CDC42BPA: variants seen among roughly 807,000 people sequenced by gnomAD.
CDC42BPA encodes the protein serine/threonine-protein kinase MRCK alpha.
In CDC42BPA, 80 loss-of-function variants were observed where a neutral mutation model predicts 223.5. That is an observed-to-expected ratio of 0.36 (90% confidence interval 0.30 to 0.43). The LOEUF (loss-of-function observed/expected upper bound fraction) is 0.43, where lower values mean the gene tolerates loss of function less well. CDC42BPA is among the 20% of genes least tolerant of loss of function. The pLI is 1.00. For synonymous variants in CDC42BPA, 694 were observed against 718.6 expected (o/e 0.97, Z 0.55); for missense variants, 1,743 against 2,099.9 (o/e 0.83, Z 3.32).
intron 2 of CDC42BPA, among the ~76,000 whole-genome samples, chr1:227,230,812 C>CTTTTTTTTTTTTTTTTTTTTTTTTTTTTT (rs1309498246): frequency 8.9e-6 from 1 of 111,758 alleles, no homozygotes. Flanking sequence ...TTTCTTTTTT[C>CTTTTTTTTTTTTTTTTTTTTTTTTTTTTT]TTTCTTTCTT....
At position 227,199,631 on chromosome 1, in the gene CDC42BPA, T is replaced by C; in HGVS notation, c.376A>G (p.Arg126Gly). ...RAETACFREE[R>G]DVLVNGDNKW... ...TTGTCTCCATTCACTAATACATCCC[T>C]TTCTTCACGAAAACATGCTGTCTGA... Residue 126 changes from arginine (R) to glycine (G), a missense_variant, in exon 4 of 37, where the codon AGG becomes GGG. Coordinates refer to ENST00000366766, the MANE Select transcript of CDC42BPA (RefSeq NM_001394014.1). 1.2e-6 allele frequency: 2 copies of C among 1,605,542 alleles called. No individual in the cohort carries two copies. Among genetic ancestry groups the C allele is most frequent in the Non-Finnish European group, 1.7e-6 (2 of 1,173,822 alleles).
intron 3 of CDC42BPA, among the ~76,000 whole-genome samples, chr1:227,208,039 C>G (rs889440099): frequency 1.2e-5 from 1 of 80,192 alleles, no homozygotes; most frequent in African/African-American, 5.2e-5. Context: ...TGTTTCCTGA[C>G]TTTTTAATGA....
At chr1:227,001,726 GTGAAA>G (rs1662887289) in intron 35 of CDC42BPA, among the ~76,000 whole-genome samples, 1 of 152,118 alleles carries the variant, frequency 6.6e-6, no homozygotes, top group Non-Finnish European at 1.5e-5. Flanking sequence ...GGCCAACATG[GTGAAA>G]CCCCGTCTCT....
chr1:227,036,719 C>A (rs998090551), intron 24 of CDC42BPA, among the ~76,000 whole-genome samples: 5 of 152,220 alleles, frequency 3.3e-5, no homozygotes, highest in African/African-American at 1.2e-4. Context: ...GTTGAGCCAC[C>A]GCGCCCGGCC....
intron 32 of CDC42BPA, among the ~76,000 whole-genome samples, chr1:227,021,496 A>C (rs1367280067): frequency 6.6e-6 from 1 of 152,206 alleles, no homozygotes; most frequent in Non-Finnish European, 1.5e-5. Context: ...TATATTCACC[A>C]GCCTGTTCAC....
intron 11 of CDC42BPA, among the ~76,000 whole-genome samples, chr1:227,128,416 A>G (rs1232478315): frequency 6.6e-6 from 1 of 152,026 alleles, no homozygotes; most frequent in Admixed American, 6.6e-5. Context: ...TTACCTTCCA[A>G]CATATTGTAT....
intron 1 of CDC42BPA, among the ~76,000 whole-genome samples, chr1:227,278,790 C>T (rs1220177763): frequency 6.6e-6 from 1 of 152,072 alleles, no homozygotes; most frequent in Non-Finnish European, 1.5e-5. Context: ...GACAGGCAAA[C>T]ATATTTATAT....
chr1:227,280,726 A>T (rs1403313502), intron 1 of CDC42BPA, among the ~76,000 whole-genome samples: 1 of 152,240 alleles, frequency 6.6e-6, no homozygotes, highest in Non-Finnish European at 1.5e-5. Flanking sequence ...TCTGATCTTA[A>T]TTGACTCTCC....
intron 5 of CDC42BPA, among the ~76,000 whole-genome samples, chr1:227,189,030 A>C (rs963389015): frequency 6.6e-6 from 1 of 152,104 alleles, no homozygotes; most frequent in African/African-American, 2.4e-5. Flanking sequence ...TAAATAAGGA[A>C]GTTTACTGAT....
rs1014873069 is a variant in CDC42BPA at position 227,060,356 on chromosome 1, C to A, written c.2905-8371G>T. Among the ~76,000 whole-genome samples, 6 of 152,266 alleles carry A rather than the reference C, an allele frequency of 3.9e-5. No homozygotes were observed. The East Asian group carries it at 1.2e-3, about 29-fold the overall frequency. ...CTAATATGAACCATATCTACTTCGG[C>A]AATTTCTAACATTCAGTGCAACCTA... is the stretch of plus-strand genomic sequence containing the variant. On this transcript the variant is annotated intron_variant, in intron 21 of 36. Transcript: ENST00000366766.
intron 32 of CDC42BPA, among the ~76,000 whole-genome samples, chr1:227,022,582 G>A (rs1403239006): frequency 6.6e-6 from 1 of 152,124 alleles, no homozygotes; most frequent in African/African-American, 2.4e-5. Flanking sequence ...TATAGAAGAG[G>A]GCACTATAAT....
At chr1:227,104,348 T>C (rs1033221477) in intron 14 of CDC42BPA, among the ~76,000 whole-genome samples, 3 of 152,160 alleles carry the variant, frequency 2.0e-5, no homozygotes, top group Non-Finnish European at 4.4e-5. Flanking sequence ...CAAAGAATTT[T>C]TAAAGGTAAC....
chr1:227,137,678 C>T (rs200524138), intron 10 of CDC42BPA, among the ~76,000 whole-genome samples: 5 of 144,334 alleles, frequency 3.5e-5, no homozygotes, highest in Non-Finnish European at 7.6e-5. Context: ...AACAGCAGTA[C>T]AAAAAAAAAA....
intron 5 of CDC42BPA, among the ~76,000 whole-genome samples, chr1:227,192,038 ACAAT>A (rs543916925): frequency 4.3e-4 from 66 of 152,282 alleles, no homozygotes; most frequent in African/African-American, 1.6e-3. Context: ...AAAAACTGTG[ACAAT>A]CAGATACCCA....
chr1:227,060,973 G>A (rs930518020), intron 21 of CDC42BPA, among the ~76,000 whole-genome samples: 2 of 151,770 alleles, frequency 1.3e-5, no homozygotes, highest in Admixed American at 6.6e-5. Flanking sequence ...CGCCTGCCTC[G>A]GCCTCCCAAA....
At chr1:227,057,623 T>C (rs186593211) in intron 21 of CDC42BPA, among the ~76,000 whole-genome samples, 27 of 152,288 alleles carry the variant, frequency 1.8e-4, no homozygotes, top group Admixed American at 2.6e-4. Flanking sequence ...GGCTGACTTT[T>C]TTTGTGAGAT....
chr1:227,079,113 T>C lies in CDC42BPA; in HGVS notation c.2480+1780A>G, dbSNP rs16847020. 2.9e-3 allele frequency among the ~76,000 whole-genome samples: 448 copies of C among 152,256 alleles called. 13 individuals are homozygous for C. In the East Asian group the frequency reaches 0.057, roughly 19 times the overall value. On this transcript the variant is annotated intron_variant, in intron 17 of 36. Coordinates refer to ENST00000366766, the MANE Select transcript of CDC42BPA (RefSeq NM_001394014.1). The stretch of plus-strand genomic sequence containing the variant: ...AGTTAACTTTGAAGTGGTAAGAAAG[T>C]TGAACAGGGAATATATATTTTACTT...
Position 226,998,186 on chromosome 1 carries a change from G to A in CDC42BPA, c.4976-3206C>T, listed in dbSNP as rs189560736. ...AAAAACATTCCATGCTTATGGATAG[G>A]AAGAATCAATATCATGAAAATGGCC... On this transcript the variant is annotated intron_variant, in intron 35 of 36. Transcript: ENST00000366766. Among the ~76,000 whole-genome samples, 148 of 152,254 alleles carry A rather than the reference G, an allele frequency of 9.7e-4. 2 individuals are homozygous for A. The South Asian group carries it at 0.017, about 17-fold the overall frequency.
intron 11 of CDC42BPA, among the ~76,000 whole-genome samples, chr1:227,126,497 AAGGAAGGAAGGAAGGAAGGAAGGT>A (rs1689642698): frequency 8.2e-6 from 1 of 122,690 alleles, no homozygotes; most frequent in African/African-American, 3.1e-5. Flanking sequence ...GGAAGGAAGG[AAGGAAGGAAGGAAGGAAGGAAGGT>A]AAGAAAGGAA....
Sources: allele counts gnomAD v4.1 joint callset (sites outside exome capture counted in the v4.1 genomes callset), GRCh38; gene constraint gnomAD v4.1.1; transcripts MANE v1.5; gene names NCBI Gene and HGNC (gene_info 2026-07-23, HGNC 2026-07-21).